PKD1L1: variants seen among roughly 807,000 people sequenced by gnomAD.
PKD1L1 encodes polycystin-1-like protein 1.
In PKD1L1, 236 loss-of-function variants were observed where a neutral mutation model predicts 323.4. The ratio of observed to expected loss-of-function variants is 0.73; its 90% confidence interval spans 0.66 to 0.81. The LOEUF (loss-of-function observed/expected upper bound fraction) is 0.81, where lower values mean the gene tolerates loss of function less well. PKD1L1 is among the 40% of genes least tolerant of loss of function. The probability of loss-of-function intolerance (pLI) is 0.00; values close to 1 mark genes in which losing one functional copy is unlikely to be tolerated. For missense variants in PKD1L1, 3,320 were observed against 3,508.0 expected (o/e 0.95, Z 1.35); for synonymous variants, 1,344 against 1,335.0 (o/e 1.01, Z -0.15).
rs528072874 is a variant in PKD1L1 at position 47,861,569 on chromosome 7, T to G, written c.4150-2684A>C. ...GTGCAGAGAGTCAAGTGGAAATGGG[T>G]GAAGTCCTCGTATGATACAAAGAAC... On this transcript the variant is annotated intron_variant, in intron 26 of 56. Coordinates refer to ENST00000289672, the MANE Select transcript of PKD1L1 (RefSeq NM_138295.5). Among the ~76,000 whole-genome samples the G allele has an allele frequency of 6.6e-5, 10 of 152,216 alleles. No individual in the cohort carries two copies. The East Asian group carries it at 1.2e-3, about 18-fold the overall frequency.
intron 56 of PKD1L1, among the ~76,000 whole-genome samples, chr7:47,782,677 T>C (rs1182570947): frequency 1.3e-5 from 2 of 152,230 alleles, no homozygotes; most frequent in African/African-American, 4.8e-5. Context: ...TAGCTGTAAC[T>C]TGGACCCTCT....
At chr7:47,917,059 G>A (rs567013797) in intron 7 of PKD1L1, among the ~76,000 whole-genome samples, 3 of 152,262 alleles carry the variant, frequency 2.0e-5, no homozygotes, top group African/African-American at 7.2e-5. Flanking sequence ...AAAGCCCAGT[G>A]TAAGGAAATC....
intron 44 of PKD1L1, among the ~76,000 whole-genome samples, chr7:47,828,771 A>G (rs1378380156): frequency 6.6e-6 from 1 of 152,148 alleles, no homozygotes. Context: ...GTTTATTAGG[A>G]TCCTTTGCGA....
At chr7:47,891,340 C>T (rs939653092) in intron 15 of PKD1L1, among the ~76,000 whole-genome samples, 2 of 152,182 alleles carry the variant, frequency 1.3e-5, no homozygotes, top group African/African-American at 4.8e-5. Context: ...AACATGGCTG[C>T]TCCGTCCAGG....
In PKD1L1 at chr7:47,809,525, A is replaced by T. The variant is rs750605629; in HGVS notation, c.7634T>A (p.Met2545Lys). ...LIHLCVQLYR[M>K]MDKGVLSYWR... is the part of the protein sequence containing the mutation. The stretch of plus-strand genomic sequence containing the variant: ...GTAGCTGAGGACGCCCTTGTCCATC[A>T]TACGGTAGAGTTGAACACAGAGGTG... The change falls in exon 51 of 57, where the codon ATG becomes AAG. Residue 2545 changes from methionine to lysine, a missense_variant. Physicochemically the swap from Met to Lys is moderately conservative, Grantham distance 95. Transcript: ENST00000289672. 2 of 1,610,064 alleles carry T rather than the reference A, an allele frequency of 1.2e-6. No homozygotes were observed. Among genetic ancestry groups the T allele is most frequent in the Non-Finnish European group, 1.7e-6 (2 of 1,178,382 alleles).
At chr7:47,868,781 A>G (rs1195511200) in intron 24 of PKD1L1, among the ~76,000 whole-genome samples, 1 of 152,212 alleles carries the variant, frequency 6.6e-6, no homozygotes, top group Non-Finnish European at 1.5e-5. Flanking sequence ...AGGCTGAGGC[A>G]GTAGAATCGC....
At chr7:47,926,451 T>C (rs949037542) in intron 7 of PKD1L1, among the ~76,000 whole-genome samples, 1 of 152,210 alleles carries the variant, frequency 6.6e-6, no homozygotes, top group Non-Finnish European at 1.5e-5. Flanking sequence ...CTCCCTAAAA[T>C]GTATAAAACC....
intron 54 of PKD1L1, among the ~76,000 whole-genome samples, chr7:47,797,060 C>T (rs377228906): frequency 6.6e-6 from 1 of 151,798 alleles, no homozygotes; most frequent in African/African-American, 2.4e-5. Context: ...GTCAGCTTTA[C>T]ACACCCTGCA....
chr7:47,868,270 G>A (rs1471752109), intron 24 of PKD1L1, among the ~76,000 whole-genome samples: 2 of 152,200 alleles, frequency 1.3e-5, no homozygotes, highest in Non-Finnish European at 2.9e-5. Flanking sequence ...TTGGGAGGCT[G>A]AGGCAGGAGA....
rs1423455043 is a variant in PKD1L1 at position 47,833,156 on chromosome 7, G to A, written c.6271C>T (p.His2091Tyr). ...TACPAPKLQV[H>Y]GADHSRTSLM... is the part of the protein sequence containing the mutation. ...GAAGTCCTGCTGTGGTCAGCCCCATGAACCTGCAGCTTAGGGGCTGGACAA... is the reference window on the plus strand; with the variant it reads ...GAAGTCCTGCTGTGGTCAGCCCCATAAACCTGCAGCTTAGGGGCTGGACAA... The change falls in exon 41 of 57, where the codon CAT becomes TAT. Residue 2091 changes from histidine to tyrosine, a missense_variant. Coordinates refer to ENST00000289672, the MANE Select transcript of PKD1L1 (RefSeq NM_138295.5). 2 of 1,612,808 alleles carry A rather than the reference G, an allele frequency of 1.2e-6. No individual in the cohort carries two copies. The highest frequency in any genetic ancestry group is 1.1e-5 in the South Asian group (1 of 90,540).
chr7:47,951,558 A>G (rs1377776577), upstream of PKD1L1, among the ~76,000 whole-genome samples: 1 of 152,220 alleles, frequency 6.6e-6, no homozygotes, highest in Non-Finnish European at 1.5e-5. Flanking sequence ...TCAGTAGTCA[A>G]AGTAGAAAAG....
rs2128742247 is a variant in PKD1L1, at chr7:47,857,598, C to T, written c.4590+7G>A. 1 of 1,611,544 alleles carries T rather than the reference C, an allele frequency of 6.2e-7. No individual in the cohort carries two copies. The highest frequency in any genetic ancestry group is 8.5e-7 in the Non-Finnish European group (1 of 1,177,888). ...TTAGAAGTGGCAGGTCATCTGTCAG[C>T]TTGTACCTGCCCAGGAGCTTGGCTC... On this transcript the variant is annotated splice_region_variant and intron_variant, in intron 28 of 56. Transcript: ENST00000289672.
chr7:47,825,766 A>C (rs1161890437), intron 45 of PKD1L1, among the ~76,000 whole-genome samples: 1 of 152,102 alleles, frequency 6.6e-6, no homozygotes, highest in Non-Finnish European at 1.5e-5. Flanking sequence ...ATTATGCCTA[A>C]GTGTATTTTG....
intron 2 of PKD1L1, among the ~76,000 whole-genome samples, chr7:47,942,565 A>G (rs143975368): frequency 6.6e-6 from 1 of 152,124 alleles, no homozygotes; most frequent in Non-Finnish European, 1.5e-5. Flanking sequence ...AAACTCAAAA[A>G]TTCCTTCTAC....
At chr7:47,792,313 G>GT (rs151120143) in intron 56 of PKD1L1, among the ~76,000 whole-genome samples, 16,719 of 149,152 alleles carry the variant, frequency 0.11, 1,184 homozygotes, top group Non-Finnish European at 0.14. Context: ...TAGATTTCTG[G>GT]GTTTTTTTTT....
chr7:47,830,273 G>C, intron 42 of PKD1L1, 149 bp from the exon 43 acceptor site: 2 of 646,040 alleles, frequency 3.1e-6, no homozygotes, highest in Non-Finnish European at 5.4e-6. Context: ...GCTGGACATG[G>C]GCAGTGTCTT....
chr7:47,884,891 T>C (rs1786648570), intron 18 of PKD1L1, among the ~76,000 whole-genome samples: 1 of 152,140 alleles, frequency 6.6e-6, no homozygotes, highest in Admixed American at 6.5e-5. Context: ...CTCCAATAGG[T>C]GTGTGGTTTC....
At chr7:47,930,953 C>T in intron 6 of PKD1L1, 151 bp downstream of exon 6, 1 of 834,584 alleles carries the variant, frequency 1.2e-6, no homozygotes, top group South Asian at 1.8e-5. Context: ...ATTATGTCTA[C>T]AGCATTGTAA....
chr7:47,882,545 T>C (rs924241084), intron 19 of PKD1L1, among the ~76,000 whole-genome samples: 3 of 151,410 alleles, frequency 2.0e-5, no homozygotes, highest in African/African-American at 7.3e-5. Flanking sequence ...GGAAAGGAAG[T>C]CCTTCTGAGA....
Sources: gnomAD v4.1 joint callset for allele counts (sites outside exome capture counted in the v4.1 genomes callset) on GRCh38, gnomAD v4.1.1 for gene constraint, MANE v1.5 for transcripts, NCBI Gene and HGNC (gene_info 2026-07-23, HGNC 2026-07-21) for gene names.